The following APP variants were observed in gnomAD, a reference collection of about 807,000 sequenced individuals.
APP encodes the protein amyloid beta precursor protein, also known as amyloid-beta precursor protein.
In APP, 31 loss-of-function variants were observed where a neutral mutation model predicts 101.4. The ratio of observed to expected loss-of-function variants is 0.31; its 90% CI spans 0.23 to 0.41. The LOEUF (loss-of-function observed/expected upper bound fraction) is 0.41. Ranked by LOEUF, APP falls within the 10% of genes least tolerant of loss-of-function variation. The pLI is 1.00. For synonymous variants in APP, 366 were observed against 364.4 expected (o/e 1.00, Z -0.05); for missense variants, 839 against 1,003.7 (o/e 0.84, Z 2.22).
At chr21:26,012,661 C>T (rs2043860393) in intron 6 of APP, among the ~76,000 whole-genome samples, 2 of 152,186 alleles carry the variant, frequency 1.3e-5, no homozygotes, top group African/African-American at 4.8e-5. Flanking sequence ...TGTACTTAAT[C>T]AGACCTATGG....
intron 5 of APP, among the ~76,000 whole-genome samples, chr21:26,031,289 C>T (rs45601732): frequency 0.02 from 3,114 of 152,252 alleles, 117 homozygotes; most frequent in African/African-American, 0.071. Context: ...AAGAGAAAAG[C>T]CTGGTCCTTT....
intron 1 of APP, among the ~76,000 whole-genome samples, chr21:26,170,235 C>A (rs1325854612): frequency 2.6e-5 from 4 of 152,148 alleles, no homozygotes; most frequent in African/African-American, 4.8e-5. Context: ...GAATGTCTCT[C>A]GCCTCCCCCG....
Position 26,079,446 on chromosome 21 carries a change from A to C in APP, c.355+10497T>G, listed in dbSNP as rs1037975420. ...AGACTGAATTACGCAGCTATAAAGCAACAGCAGCTGTTTACTGGTTGGCCC... is the reference window on the plus strand; with the variant it reads ...AGACTGAATTACGCAGCTATAAAGCCACAGCAGCTGTTTACTGGTTGGCCC... On this transcript the variant is annotated intron_variant, in intron 3 of 17. Coordinates refer to ENST00000346798, the MANE Select transcript of APP (RefSeq NM_000484.4). Among the ~76,000 whole-genome samples, 14 of 152,328 alleles carry C rather than the reference A, an allele frequency of 9.2e-5. 1 individual carries two copies. Among genetic ancestry groups the C allele is most frequent in the Admixed American group, 6.5e-4 (10 of 15,306 alleles).
At chr21:26,105,166 G>A (rs1601473380) in intron 2 of APP, among the ~76,000 whole-genome samples, 1 of 150,648 alleles carries the variant, frequency 6.6e-6, no homozygotes, top group East Asian at 1.9e-4. Flanking sequence ...CCATCAACCA[G>A]GAATTCTATA....
chr21:26,007,343 A>C (rs2043575520), intron 6 of APP, among the ~76,000 whole-genome samples: 1 of 148,072 alleles, frequency 6.8e-6, no homozygotes, highest in South Asian at 2.1e-4. Flanking sequence ...TTTCAAATAA[A>C]CGTTATAATT....
chr21:25,892,531 A>G (rs1263210598), intron 16 of APP, among the ~76,000 whole-genome samples: 1 of 140,126 alleles, frequency 7.1e-6, no homozygotes, highest in Non-Finnish European at 1.7e-5. Context: ...TGCTTTTTAA[A>G]GCATAATGTT....
intron 2 of APP, among the ~76,000 whole-genome samples, chr21:26,093,530 T>A (rs1210172491): frequency 6.6e-6 from 1 of 152,208 alleles, no homozygotes. Context: ...GTTGGTTGCA[T>A]ACCATCTTCA....
At chr21:26,160,731 C>T (rs2063472379) in intron 1 of APP, among the ~76,000 whole-genome samples, 1 of 152,042 alleles carries the variant, frequency 6.6e-6, no homozygotes, top group Non-Finnish European at 1.5e-5. Flanking sequence ...TTCCAATACA[C>T]ATTTTCTTTC....
rs201292020 is a variant in APP, at chr21:25,999,979, C to A, written c.1033+36G>T. On this transcript the variant is annotated intron_variant, in intron 7 of 17. Coordinates refer to ENST00000346798, the MANE Select transcript of APP (RefSeq NM_000484.4). ...AAAGCAGAGTCAGTGGCGAGAGAGA[C>A]GAAAGGTGGCCAGGCTCGAAGAAGG... 2.2e-4 allele frequency: 359 copies of A among 1,610,284 alleles called. 2 individuals carry two copies. The highest frequency in any genetic ancestry group is 2.0e-4 in the Non-Finnish European group (235 of 1,177,766).
intron 8 of APP, among the ~76,000 whole-genome samples, chr21:25,994,546 T>C (rs1424837172): frequency 6.6e-6 from 1 of 152,256 alleles, no homozygotes; most frequent in African/African-American, 2.4e-5. Context: ...ATCATACATT[T>C]TCTCCCTAAG....
chr21:25,901,599 T>C (rs2038493288), intron 15 of APP, among the ~76,000 whole-genome samples: 1 of 152,178 alleles, frequency 6.6e-6, no homozygotes, highest in South Asian at 2.1e-4. Context: ...CATAGGGAAA[T>C]ATTCATAATA....
rs1175434674 is a variant in APP at position 26,086,619 on chromosome 21, AG to A, written c.355+3323del. Among the ~76,000 whole-genome samples, 5 of 152,102 alleles carry A rather than the reference AG, an allele frequency of 3.3e-5. No homozygotes were observed. The East Asian group carries it at 9.6e-4, about 29-fold the overall frequency. On this transcript the variant is annotated intron_variant, in intron 3 of 17. Coordinates refer to ENST00000346798, the MANE Select transcript of APP (RefSeq NM_000484.4). ...TTTGGATACAGTCAAGAGATTTTAG[AG>A]CATACTTATGTTAATGCTGAACAGT...
chr21:26,170,052 G>T (rs1464050640), intron 1 of APP, among the ~76,000 whole-genome samples: 1 of 152,162 alleles, frequency 6.6e-6, no homozygotes, highest in African/African-American at 2.4e-5. Context: ...ACGAGGCGGA[G>T]AACGCAGGGA....
At chr21:26,164,663 G>A (rs572983744) in intron 1 of APP, among the ~76,000 whole-genome samples, 2 of 152,180 alleles carry the variant, frequency 1.3e-5, no homozygotes, top group African/African-American at 4.8e-5. Flanking sequence ...AGACCAGCCT[G>A]GCCAACATGG....
intron 17 of APP, among the ~76,000 whole-genome samples, chr21:25,888,996 T>C (rs1440526979): frequency 6.6e-6 from 1 of 152,174 alleles, no homozygotes; most frequent in Non-Finnish European, 1.5e-5. Flanking sequence ...TTGGGGATTC[T>C]TTTTCCTTAG....
chr21:26,147,878 C>A lies in APP; in HGVS notation c.57+22686G>T, dbSNP rs1410360702. Among the ~76,000 whole-genome samples, 11 of 149,732 alleles carry A rather than the reference C, an allele frequency of 7.3e-5. No individual in the cohort carries two copies. In the South Asian group the frequency reaches 1.1e-3, roughly 15 times the overall value. The stretch of plus-strand genomic sequence containing the variant: ...TCCCTCCCCAACCCCCCCAAAAAAA[C>A]CTCCCAAAACAGACTATTCCATTCA... On this transcript the variant is annotated intron_variant, in intron 1 of 17. Coordinates refer to ENST00000346798, the MANE Select transcript of APP (RefSeq NM_000484.4).
chr21:26,170,669 G>C lies in APP; in HGVS notation c.-49C>G. Reference sequence around the variant, plus strand: ...GTGCGCTGCTGTGCGAGTGGGATCCGCCGCGTCCTTGCTCTGCCCGCGCCG... The same window carrying C: ...GTGCGCTGCTGTGCGAGTGGGATCCCCCGCGTCCTTGCTCTGCCCGCGCCG... On this transcript the variant is annotated 5_prime_UTR_variant, in exon 1 of 18. Transcript: ENST00000346798. 4 of 1,509,132 alleles carry C rather than the reference G, an allele frequency of 2.7e-6. No individual in the cohort carries two copies. The South Asian group carries it at 4.9e-5, about 19-fold the overall frequency. The allele number at this position is 1,509,132 out of a possible 1,614,324, so 93.5% of individuals were successfully genotyped here. A position where few individuals can be genotyped will look rare whatever the true frequency, so the allele number is the denominator to read the frequency against.
At chr21:25,941,100 A>T (rs1269632468) in intron 13 of APP, among the ~76,000 whole-genome samples, 1 of 152,242 alleles carries the variant, frequency 6.6e-6, no homozygotes, top group Non-Finnish European at 1.5e-5. Context: ...AAAAGCTAAC[A>T]ATCAGTTAAG....
chr21:26,058,821 C>T (rs1035182206), intron 3 of APP, among the ~76,000 whole-genome samples: 1 of 152,276 alleles, frequency 6.6e-6, no homozygotes, highest in South Asian at 2.1e-4. Context: ...GTGGCTCACG[C>T]CTGTAATCCC....
Sources: allele counts gnomAD v4.1 joint callset (sites outside exome capture counted in the v4.1 genomes callset), GRCh38; gene constraint gnomAD v4.1.1; transcripts MANE v1.5; gene names NCBI Gene and HGNC (gene_info 2026-07-23, HGNC 2026-07-21).